VMP1: variants seen among roughly 807,000 people sequenced by gnomAD.
The protein encoded by VMP1 is vacuole membrane protein 1, also known as ectopic P-granules autophagy protein 3 homolog.
Under a neutral mutation model 56.0 loss-of-function variants are expected in VMP1, and 11 were observed. That is an observed-to-expected ratio of 0.20 (90% CI 0.12 to 0.32). VMP1 has a LOEUF of 0.32. VMP1 is among the 10% of genes least tolerant of loss of function. VMP1 has a pLI of 1.00. For missense variants in VMP1, 296 were observed against 490.3 expected (o/e 0.60, Z 3.74); for synonymous variants, 149 against 165.0 (o/e 0.90, Z 0.74).
At chr17:59,814,712 A>G (rs1448829609) in intron 9 of VMP1, among the ~76,000 whole-genome samples, 2 of 152,144 alleles carry the variant, frequency 1.3e-5, no homozygotes, top group East Asian at 3.9e-4. Context: ...CTGTAAAGAT[A>G]AAGCTCTTTC....
At chr17:59,776,016 C>T (rs1004667163) in intron 7 of VMP1, among the ~76,000 whole-genome samples, 2 of 151,156 alleles carry the variant, frequency 1.3e-5, no homozygotes, top group African/African-American at 4.9e-5. Flanking sequence ...AATTCAAGAC[C>T]GGCCTGGGCA....
chr17:59,740,025 C>T (rs963531239), intron 5 of VMP1, among the ~76,000 whole-genome samples: 9 of 138,918 alleles, frequency 6.5e-5, no homozygotes, highest in East Asian at 4.5e-4. Flanking sequence ...TGCAGTGAGC[C>T]GAGATCACGC....
At chr17:59,817,914 A>G (rs2144259377) in intron 10 of VMP1, 141 bp downstream of exon 10, 1 of 534,306 alleles carries the variant, frequency 1.9e-6, no homozygotes, top group Non-Finnish European at 3.2e-6. Context: ...TTATTAGTAA[A>G]TGAAGAATAC....
chr17:59,822,094 A>G (rs2038475293), intron 10 of VMP1, among the ~76,000 whole-genome samples: 1 of 152,006 alleles, frequency 6.6e-6, no homozygotes, highest in South Asian at 2.1e-4. Context: ...CGCCCACCTC[A>G]GCCTTCCAAA....
intron 6 of VMP1, among the ~76,000 whole-genome samples, chr17:59,767,533 A>T (rs1452983860): frequency 6.6e-6 from 1 of 152,230 alleles, no homozygotes; most frequent in Non-Finnish European, 1.5e-5. Context: ...GGGACTTTGT[A>T]TGTAAATTTG....
intron 1 of VMP1, among the ~76,000 whole-genome samples, chr17:59,721,857 G>A (rs2034412204): frequency 6.6e-6 from 1 of 152,198 alleles, no homozygotes; most frequent in Non-Finnish European, 1.5e-5. Flanking sequence ...CCCCATCTAT[G>A]TTTAAACAAC....
intron 10 of VMP1, among the ~76,000 whole-genome samples, chr17:59,828,725 A>G (rs984017588): frequency 6.6e-6 from 1 of 152,152 alleles, no homozygotes; most frequent in Non-Finnish European, 1.5e-5. Context: ...AAGATCCTGG[A>G]TGTAAAGAAA....
At chr17:59,801,435 A>AT (rs2037660123) in intron 7 of VMP1, among the ~76,000 whole-genome samples, 1 of 150,632 alleles carries the variant, frequency 6.6e-6, no homozygotes, top group African/African-American at 2.4e-5. Context: ...TTAATTAGTT[A>AT]TAGAGACTTG....
chr17:59,730,332 C>A (rs2034778348), intron 1 of VMP1, among the ~76,000 whole-genome samples: 1 of 151,926 alleles, frequency 6.6e-6, no homozygotes, highest in Non-Finnish European at 1.5e-5. Flanking sequence ...GTGGTACAAT[C>A]ATACCTCAGT....
chr17:59,742,522 C>CAATAAT (rs71370113), intron 5 of VMP1, among the ~76,000 whole-genome samples: 8,366 of 142,800 alleles, frequency 0.059, 272 homozygotes, highest in Admixed American at 0.067. Context: ...GTCTCAAAAA[C>CAATAAT]AATAATAATA....
At chr17:59,825,581 T>G (rs953023405) in intron 10 of VMP1, among the ~76,000 whole-genome samples, 13 of 152,192 alleles carry the variant, frequency 8.5e-5, no homozygotes, top group Non-Finnish European at 4.4e-5. Context: ...CAGCAAACCA[T>G]ATGCAGAACA....
At chr17:59,786,295 T>C (rs932651171) in intron 7 of VMP1, among the ~76,000 whole-genome samples, 2 of 152,216 alleles carry the variant, frequency 1.3e-5, no homozygotes. Context: ...GGGAAAGGAA[T>C]TGATAAGATT....
At chr17:59,749,479 A>G (rs955266013) in intron 5 of VMP1, among the ~76,000 whole-genome samples, 1 of 151,526 alleles carries the variant, frequency 6.6e-6, no homozygotes, top group African/African-American at 2.4e-5. Flanking sequence ...ATATAAATCA[A>G]CTTTCACCGG....
chr17:59,769,367 A>G (rs1046191054), intron 6 of VMP1, among the ~76,000 whole-genome samples: 3 of 151,810 alleles, frequency 2.0e-5, no homozygotes, highest in Admixed American at 6.6e-5. Context: ...AAAAAGATAG[A>G]TTTTTTTAAT....
intron 1 of VMP1, among the ~76,000 whole-genome samples, chr17:59,712,090 A>G (rs1341882156): frequency 6.6e-6 from 1 of 152,230 alleles, no homozygotes; most frequent in East Asian, 1.9e-4. Flanking sequence ...GGATTGAATG[A>G]ATAGGTTTAA....
At chr17:59,735,506 C>A in intron 3 of VMP1, 33 bp downstream of exon 3, 2 of 1,610,416 alleles carry the variant, frequency 1.2e-6, no homozygotes, top group Non-Finnish European at 1.7e-6. Context: ...CTTTTACATA[C>A]ACCTCATTTA....
chr17:59,737,446 T>TTTAA lies in VMP1; in HGVS notation c.213-5_213-4insAATT. The TTTAA allele has an allele frequency of 6.2e-7, 1 of 1,603,870 alleles. No homozygotes were observed. The stretch of plus-strand genomic sequence containing the variant: ...TGAGATATTTATTTTTTTTATTTGT[T>TTTAA]TTTAAGATTATGGCATCGTCAAAGC... On this transcript the variant is annotated splice_polypyrimidine_tract_variant and splice_region_variant and intron_variant, in intron 3 of 11. Transcript: ENST00000262291.
intron 1 of VMP1, among the ~76,000 whole-genome samples, chr17:59,709,636 A>G (rs1443392799): frequency 6.6e-6 from 1 of 152,250 alleles, no homozygotes; most frequent in Admixed American, 6.5e-5. Flanking sequence ...ATTATCACAT[A>G]CTTTTCTGAG....
chr17:59,719,209 T>G (rs2034294545), intron 1 of VMP1, among the ~76,000 whole-genome samples: 1 of 152,116 alleles, frequency 6.6e-6, no homozygotes, highest in Non-Finnish European at 1.5e-5. Context: ...GAAAAGATAC[T>G]TCTGGAGGTT....
Sources: allele counts gnomAD v4.1 joint callset (sites outside exome capture counted in the v4.1 genomes callset), GRCh38; gene constraint gnomAD v4.1.1; transcripts MANE v1.5; gene names NCBI Gene and HGNC (gene_info 2026-07-23, HGNC 2026-07-21).